The following CYS1 variants were observed in gnomAD, a reference collection of about 807,000 sequenced individuals.
The protein encoded by CYS1 is cystin-1.
In CYS1, 5 loss-of-function variants were observed where a neutral mutation model predicts 9.6. The ratio of observed to expected loss-of-function variants is 0.52; its 90% confidence interval spans 0.27 to 1.10. CYS1 has a LOEUF of 1.10. CYS1 is among the 50% of genes least tolerant of loss of function. The pLI is 0.11. For missense variants in CYS1, 221 were observed against 207.9 expected (o/e 1.06, Z -0.39); for synonymous variants, 88 against 95.7 (o/e 0.92, Z 0.47).
chr2:10,064,853 G>A (rs1393537975), intron 2 of CYS1, among the ~76,000 whole-genome samples: 1 of 151,318 alleles, frequency 6.6e-6, no homozygotes, highest in Non-Finnish European at 1.5e-5. Context: ...GAGTAGCTGG[G>A]ATTACAGGTG....
At position 10,056,750 on chromosome 2, in the gene CYS1, C is replaced by T. The variant is rs963770096; in HGVS notation, c.*2103G>A. The T allele has an allele frequency of 1.3e-5, 2 of 152,308 alleles. No homozygotes were observed. Among genetic ancestry groups the T allele is most frequent in the African/African-American group, 4.8e-5 (2 of 41,476 alleles). 9.4% of individuals were successfully genotyped at this position (152,308 alleles called of 1,614,324 possible). A position where few individuals can be genotyped will look rare whatever the true frequency, so the allele number is the denominator to read the frequency against. ...CTACTTCCAGGCACAGCCCCTCCGT[C>T]TCACAGGACAGAGACAGGGCCGGCT... On this transcript the variant is annotated 3_prime_UTR_variant, in exon 3 of 3. Transcript: ENST00000381813.
rs1661571147 is a variant in CYS1, at chr2:10,057,769, C to G, written c.*1084G>C. 1 of 152,622 alleles carries G rather than the reference C, an allele frequency of 6.6e-6. No homozygotes were observed. Among genetic ancestry groups the G allele is most frequent in the African/African-American group, 2.4e-5 (1 of 41,456 alleles). 9.5% of individuals were successfully genotyped at this position (152,622 alleles called of 1,614,324 possible). On this transcript the variant is annotated 3_prime_UTR_variant, in exon 3 of 3. Coordinates refer to ENST00000381813, the MANE Select transcript of CYS1 (RefSeq NM_001037160.3). The stretch of plus-strand genomic sequence containing the variant: ...GCTCTCCCCCGGAGCTGTCCCCCAG[C>G]AGGCCACACCTGGGCCCAGGCTCCA...
At chr2:10,073,009 T>A (rs1402318998) in intron 1 of CYS1, among the ~76,000 whole-genome samples, 3 of 144,436 alleles carry the variant, frequency 2.1e-5, no homozygotes, top group Non-Finnish European at 4.6e-5. Context: ...TGCAGATGTG[T>A]GGGAGCAGAG....
At chr2:10,071,630 G>T (rs1269714248) in intron 1 of CYS1, among the ~76,000 whole-genome samples, 1 of 152,160 alleles carries the variant, frequency 6.6e-6, no homozygotes, top group Non-Finnish European at 1.5e-5. Flanking sequence ...TTTAAGCCTT[G>T]AACTTACTTT....
At chr2:10,075,110 T>C (rs1661825311) in intron 1 of CYS1, among the ~76,000 whole-genome samples, 1 of 84,186 alleles carries the variant, frequency 1.2e-5, no homozygotes, top group African/African-American at 4.2e-5. Flanking sequence ...TGAGACTCCA[T>C]CTCAAAAAAA....
Position 10,058,851 on chromosome 2 carries a change from C to A in CYS1, c.*2G>T. On this transcript the variant is annotated 3_prime_UTR_variant, in exon 3 of 3. Coordinates refer to ENST00000381813, the MANE Select transcript of CYS1 (RefSeq NM_001037160.3). ...GCCTGGCGGGGGTGGAGCATGCTGT[C>A]CTCAGCGGCAGTACTCCCGCTCGAT... The A allele has an allele frequency of 6.4e-7, 1 of 1,567,866 alleles. No individual in the cohort carries two copies. The highest frequency in any genetic ancestry group is 8.6e-7 in the Non-Finnish European group (1 of 1,156,754).
chr2:10,064,429 G>A (rs1661667394), intron 2 of CYS1, among the ~76,000 whole-genome samples: 1 of 152,072 alleles, frequency 6.6e-6, no homozygotes. Flanking sequence ...AGTCCCTGCT[G>A]ACAGTGCAGG....
At position 10,080,248 on chromosome 2, in the gene CYS1, G is replaced by A; in HGVS notation, c.-25C>T. 9.6e-7 allele frequency: 1 copy of A among 1,038,046 alleles called. No homozygotes were observed. The highest frequency in any genetic ancestry group is 1.2e-6 in the Non-Finnish European group (1 of 867,526). The allele number at this position is 1,038,046 out of a possible 1,614,324, so 64.3% of individuals were successfully genotyped here. A position where few individuals can be genotyped will look rare whatever the true frequency, so the allele number is the denominator to read the frequency against. ...TGGCGCGCCCGCCGCCTCCCGGACC[G>A]CCGAGGGGGCCCCCATGAGGGGGCG... On this transcript the variant is annotated 5_prime_UTR_variant, in exon 1 of 3. Transcript: ENST00000381813. This position sits in a 1 kb window ranked among gnomAD's most constrained non-coding sequence, Gnocchi z 6.4.
intron 2 of CYS1, among the ~76,000 whole-genome samples, chr2:10,061,245 C>CA (rs1368568058): frequency 9.3e-5 from 14 of 151,230 alleles, no homozygotes; most frequent in African/African-American, 3.4e-4. Context: ...AAAGAAAAAC[C>CA]AACCAACCAA....
In CYS1 at chr2:10,075,027, G is replaced by T. The variant is rs149246723; in HGVS notation, c.318+4879C>A. Among the ~76,000 whole-genome samples, 96 of 152,170 alleles carry T rather than the reference G, an allele frequency of 6.3e-4. 3 individuals carry two copies. In the East Asian group the frequency reaches 0.014, roughly 22 times the overall value. ...CTCAGGAGGCTGAGACAGGAGAATT[G>T]CTGGAACCCGGGAGGCGGAGGCTGC... On this transcript the variant is annotated intron_variant, in intron 1 of 2. Transcript: ENST00000381813.
chr2:10,060,874 C>T (rs1017465378), intron 2 of CYS1, among the ~76,000 whole-genome samples: 1 of 152,230 alleles, frequency 6.6e-6, no homozygotes, highest in African/African-American at 2.4e-5. Context: ...GTGTGTCTAC[C>T]ACAGAGCTGG....
intron 2 of CYS1, among the ~76,000 whole-genome samples, chr2:10,061,811 T>C (rs1012171009): frequency 6.6e-5 from 10 of 152,084 alleles, no homozygotes; most frequent in Admixed American, 6.6e-4. Context: ...GTGGGGCAAT[T>C]TGTGGGGCTT....
Position 10,076,590 on chromosome 2 carries a change from G to A in CYS1, c.318+3316C>T, listed in dbSNP as rs1366384465. 1.3e-5 allele frequency among the ~76,000 whole-genome samples: 2 copies of A among 152,068 alleles called. No homozygotes were observed. The highest frequency in any genetic ancestry group is 4.8e-5 in the African/African-American group (2 of 41,386). On this transcript the variant is annotated intron_variant, in intron 1 of 2. Coordinates refer to ENST00000381813, the MANE Select transcript of CYS1 (RefSeq NM_001037160.3). This position sits in a 1 kb window ranked among gnomAD's most constrained non-coding sequence, Gnocchi z 4.3. ...AGCAGCACTTCCAGCAGCTGAGCAC[G>A]CCCTCCGTCCTAAGCACCTTCCTCC...
At chr2:10,074,006 C>A (rs1244205491) in intron 1 of CYS1, among the ~76,000 whole-genome samples, 1 of 152,174 alleles carries the variant, frequency 6.6e-6, no homozygotes, top group Non-Finnish European at 1.5e-5. Flanking sequence ...CTTCTAACAT[C>A]TTTTAATCCT....
intron 1 of CYS1, among the ~76,000 whole-genome samples, chr2:10,079,601 C>A (rs983216851): frequency 6.6e-6 from 1 of 151,854 alleles, no homozygotes; most frequent in Non-Finnish European, 1.5e-5. Context: ...CAGGGCGGCC[C>A]GGGAAGGCCA....
At chr2:10,073,888 C>T (rs995369089) in intron 1 of CYS1, among the ~76,000 whole-genome samples, 12 of 152,216 alleles carry the variant, frequency 7.9e-5, no homozygotes, top group Admixed American at 5.2e-4. Context: ...GTACCCCTGA[C>T]CGTGATGCAA....
Position 10,080,296 on chromosome 2 carries a change from G to C in CYS1, c.-73C>G, listed in dbSNP as rs1341743884. On this transcript the variant is annotated 5_prime_UTR_variant, in exon 1 of 3. Transcript: ENST00000381813. The surrounding 1 kb of genome is among the most constrained non-coding windows in gnomAD (Gnocchi z 6.4). ...GCGCGGCCGGGGGCGGGGACGCTAG[G>C]GGGTGCGGCCGGGGCGGGCTGCAGG... The C allele has an allele frequency of 6.3e-6, 6 of 952,150 alleles. No individual in the cohort carries two copies. The East Asian group carries it at 4.1e-4, about 66-fold the overall frequency. The allele number at this position is 952,150 out of a possible 1,614,324, so 59.0% of individuals were successfully genotyped here.
intron 1 of CYS1, among the ~76,000 whole-genome samples, chr2:10,077,615 A>G (rs1371861169): frequency 1.3e-5 from 2 of 152,218 alleles, no homozygotes; most frequent in Admixed American, 1.3e-4. Flanking sequence ...ACCTGAGGTC[A>G]GGAGTTCAAG....
At chr2:10,061,998 A>AC (rs1661635182) in intron 2 of CYS1, among the ~76,000 whole-genome samples, 1 of 150,392 alleles carries the variant, frequency 6.6e-6, no homozygotes, top group Non-Finnish European at 1.5e-5. Context: ...ATCAGCAGGG[A>AC]CTCCTAAAGT....
Sources: allele counts gnomAD v4.1 joint callset (sites outside exome capture counted in the v4.1 genomes callset), GRCh38; gene constraint gnomAD v4.1.1; non-coding constraint Gnocchi (gnomAD v3.1); transcripts MANE v1.5; gene names NCBI Gene and HGNC (gene_info 2026-07-23, HGNC 2026-07-21).